The following ABHD2 variants were observed in gnomAD, a reference collection of about 807,000 sequenced individuals.
ABHD2 encodes the protein abhydrolase domain containing 2, acylglycerol lipase, also known as monoacylglycerol lipase ABHD2.
A neutral mutation model predicts 48.1 loss-of-function variants in ABHD2; 20 were observed. The ratio of observed to expected loss-of-function variants is 0.42; its 90% CI spans 0.29 to 0.60. The LOEUF (loss-of-function observed/expected upper bound fraction) is 0.60, where lower values mean the gene tolerates loss of function less well. Ranked by LOEUF, ABHD2 falls within the 20% of genes least tolerant of loss-of-function variation. The probability of loss-of-function intolerance (pLI) is 0.24; values close to 1 mark genes in which losing one functional copy is unlikely to be tolerated. For synonymous variants in ABHD2, 209 were observed against 214.2 expected (o/e 0.98, Z 0.21); for missense variants, 405 against 550.9 (o/e 0.74, Z 2.65).
rs1488151031 is a variant in ABHD2, at chr15:89,201,516, A to G, written c.*6093A>G. On this transcript the variant is annotated 3_prime_UTR_variant, in exon 11 of 11. Transcript: ENST00000352732. ...TGTTTAGTGGAGCAAAAATTGTACC[A>G]TAAACTTGTGTTTACTCTTTTCATT... The G allele has an allele frequency of 6.3e-7, 1 of 1,593,366 alleles. No homozygotes were observed. The highest frequency in any genetic ancestry group is 8.6e-7 in the Non-Finnish European group (1 of 1,161,388).
At chr15:89,074,062 G>T in the ABHD2 span, among the ~76,000 whole-genome samples, 2 of 151,998 alleles carry the variant, frequency 1.3e-5, no homozygotes, top group African/African-American at 4.8e-5. Flanking sequence ...TCTTACATTG[G>T]TTCTCCACTC....
rs2050981227 is a variant in ABHD2, at chr15:89,174,592, A to G, written c.539-1220A>G. 6.6e-6 allele frequency among the ~76,000 whole-genome samples: 1 copy of G among 152,252 alleles called. No individual in the cohort carries two copies. Among genetic ancestry groups the G allele is most frequent in the African/African-American group, 2.4e-5 (1 of 41,466 alleles). On this transcript the variant is annotated intron_variant, in intron 5 of 10. Transcript: ENST00000352732. The surrounding 1 kb of genome is among the most constrained non-coding windows in gnomAD (Gnocchi z 4.1). ...TCCCCCATGGCTTGATGATTAGGGAAGGAGCTGTTCAACTCTATTAAGAAT... is the reference window on the plus strand; with the variant it reads ...TCCCCCATGGCTTGATGATTAGGGAGGGAGCTGTTCAACTCTATTAAGAAT...
At chr15:89,073,562 G>T in the ABHD2 span, among the ~76,000 whole-genome samples, 1 of 152,144 alleles carries the variant, frequency 6.6e-6, no homozygotes, top group Non-Finnish European at 1.5e-5. Flanking sequence ...CTCCCAAAGT[G>T]CTGGGATTAC....
intron 6 of ABHD2, chr15:89,183,384 A>AAAAAAAAAAATAT (rs61602174): frequency 1.1e-4 from 5 of 46,264 alleles, no homozygotes; most frequent in African/African-American, 2.8e-4. Context: ...AAAAAAAAAA[A>AAAAAAAAAAATAT]ATATATATAT....
intron 3 of ABHD2, among the ~76,000 whole-genome samples, chr15:89,129,088 G>T (rs776909488): frequency 6.6e-6 from 1 of 152,168 alleles, no homozygotes. Context: ...AAGTTGTTTA[G>T]CTTGGGGCTT....
intron 5 of ABHD2, among the ~76,000 whole-genome samples, chr15:89,171,627 ACTG>A: frequency 6.6e-6 from 1 of 152,210 alleles, no homozygotes; most frequent in Non-Finnish European, 1.5e-5. Flanking sequence ...TGTTTGGAAA[ACTG>A]CTACCAGGCT....
At chr15:89,161,264 G>C (rs941794636) in intron 5 of ABHD2, among the ~76,000 whole-genome samples, 2 of 152,162 alleles carry the variant, frequency 1.3e-5, no homozygotes, top group Non-Finnish European at 2.9e-5. Flanking sequence ...ATATGCAGAA[G>C]TAGGGAGAAT....
intron 1 of ABHD2, among the ~76,000 whole-genome samples, chr15:89,099,970 C>A (rs1424731177): frequency 1.1e-4 from 17 of 152,084 alleles, no homozygotes. Flanking sequence ...AGCCAAAGAA[C>A]AATACTAGAT....
the ABHD2 span, among the ~76,000 whole-genome samples, chr15:89,043,330 G>A: frequency 2.6e-5 from 4 of 152,204 alleles, no homozygotes; most frequent in African/African-American, 7.2e-5. Flanking sequence ...GGAGGCTGAG[G>A]TGGGAGGATT....
chr15:89,054,494 A>T, the ABHD2 span, among the ~76,000 whole-genome samples: 3 of 151,714 alleles, frequency 2.0e-5, no homozygotes, highest in Non-Finnish European at 4.4e-5. Context: ...CAGCCTGACC[A>T]ACAGGATGAA....
At chr15:89,158,630 A>C (rs559075512) in intron 5 of ABHD2, among the ~76,000 whole-genome samples, 156 of 152,282 alleles carry the variant, frequency 1.0e-3, no homozygotes, top group African/African-American at 3.7e-3. Flanking sequence ...GCTACAATTA[A>C]ATGTGGGTTA....
chr15:89,197,530 C>G lies in ABHD2; in HGVS notation c.*2107C>G, dbSNP rs1456088842. The G allele has an allele frequency of 6.6e-6, 1 of 152,310 alleles. No individual in the cohort carries two copies. Among genetic ancestry groups the G allele is most frequent in the Non-Finnish European group, 1.5e-5 (1 of 68,072 alleles). 9.4% of individuals were successfully genotyped at this position (152,310 alleles called of 1,614,324 possible). ...GAATAGGTAAACCAAGCAATAACTTCCTAGGACTGAATCACCACCCCAGAA... is the reference window on the plus strand; with the variant it reads ...GAATAGGTAAACCAAGCAATAACTTGCTAGGACTGAATCACCACCCCAGAA... On this transcript the variant is annotated 3_prime_UTR_variant, in exon 11 of 11. Transcript: ENST00000352732. The surrounding 1 kb of genome is among the most constrained non-coding windows in gnomAD (Gnocchi z 4.4).
At chr15:89,044,158 G>GT in the ABHD2 span, among the ~76,000 whole-genome samples, 5 of 152,164 alleles carry the variant, frequency 3.3e-5, no homozygotes, top group Non-Finnish European at 5.9e-5. Context: ...GCAGAGTTTG[G>GT]TTTTTTGTTC....
chr15:89,046,575 T>C, the ABHD2 span, among the ~76,000 whole-genome samples: 2 of 151,886 alleles, frequency 1.3e-5, no homozygotes, highest in Non-Finnish European at 2.9e-5. Flanking sequence ...CAATTTCAGC[T>C]CCTGTTATTG....
At chr15:89,157,566 G>A (rs1261907060) in intron 5 of ABHD2, among the ~76,000 whole-genome samples, 2 of 152,158 alleles carry the variant, frequency 1.3e-5, no homozygotes, top group Non-Finnish European at 2.9e-5. Context: ...GAATTTGGCC[G>A]AGCGCAGTAG....
the ABHD2 span, among the ~76,000 whole-genome samples, chr15:89,044,172 C>T: frequency 9.9e-4 from 151 of 152,180 alleles, no homozygotes; most frequent in African/African-American, 1.5e-3. Context: ...TTTGTTCTTG[C>T]GATAGTTTAC....
At chr15:89,127,181 G>T (rs1307786323) in intron 3 of ABHD2, among the ~76,000 whole-genome samples, 1 of 150,514 alleles carries the variant, frequency 6.6e-6, no homozygotes, top group African/African-American at 2.5e-5. Flanking sequence ...CCATGGAAAT[G>T]AGTCAGCCAT....
At chr15:89,147,620 T>C (rs1386185941) in intron 3 of ABHD2, among the ~76,000 whole-genome samples, 4 of 151,650 alleles carry the variant, frequency 2.6e-5, no homozygotes, top group Non-Finnish European at 5.9e-5. Context: ...CCCAAAGTGC[T>C]GGGATTACAG....
At position 89,196,863 on chromosome 15, in the gene ABHD2, G is replaced by C. The variant is rs369874910; in HGVS notation, c.*1440G>C. Reference sequence around the variant, plus strand: ...TAGGTTTCAAGTACTCCTTTTCTCCGATCCTGTGGTACTTGAATATCCAAA... The same window carrying C: ...TAGGTTTCAAGTACTCCTTTTCTCCCATCCTGTGGTACTTGAATATCCAAA... On this transcript the variant is annotated 3_prime_UTR_variant, in exon 11 of 11. Coordinates refer to ENST00000352732, the MANE Select transcript of ABHD2 (RefSeq NM_152924.5). 1.3e-5 allele frequency: 2 copies of C among 152,600 alleles called. No homozygotes were observed. The highest frequency in any genetic ancestry group is 1.5e-5 in the Non-Finnish European group (1 of 68,038). 9.5% of individuals were successfully genotyped at this position (152,600 alleles called of 1,614,324 possible). A position where few individuals can be genotyped will look rare whatever the true frequency, so the allele number is the denominator to read the frequency against.
Sources: allele counts gnomAD v4.1 joint callset (sites outside exome capture counted in the v4.1 genomes callset), GRCh38; gene constraint gnomAD v4.1.1; non-coding constraint Gnocchi (gnomAD v3.1); transcripts MANE v1.5; gene names NCBI Gene and HGNC (gene_info 2026-07-23, HGNC 2026-07-21).